Variants in MUCL1 observed in about 807,000 individuals in gnomAD.
The protein encoded by MUCL1 is mucin-like protein 1.
MUCL1 carries 11 observed loss-of-function variants against 9.2 expected under a neutral mutation model. The ratio of observed to expected loss-of-function variants is 1.19; its 90% CI spans 0.75 to 1.97. The LOEUF is 1.97. MUCL1 is among the 30% of genes most tolerant of loss of function. MUCL1 has a pLI of 0.00. For synonymous variants in MUCL1, 48 were observed against 40.5 expected (o/e 1.19, Z -0.71); for missense variants, 144 against 110.9 (o/e 1.30, Z -1.34).
upstream of MUCL1, among the ~76,000 whole-genome samples, chr12:54,839,105 T>C (rs1444112631): frequency 6.6e-6 from 1 of 152,198 alleles, no homozygotes; most frequent in African/African-American, 2.4e-5. Flanking sequence ...TTTTCTTAAA[T>C]TTTTTTCTCA....
At chr12:54,857,929 T>A (rs975386417) in intron 3 of MUCL1, among the ~76,000 whole-genome samples, 1 of 152,170 alleles carries the variant, frequency 6.6e-6, no homozygotes. Flanking sequence ...TGCCATATTA[T>A]AGGAAAACTC....
upstream of MUCL1, among the ~76,000 whole-genome samples, chr12:54,836,307 C>T (rs1210057268): frequency 6.6e-6 from 1 of 152,110 alleles, no homozygotes; most frequent in Non-Finnish European, 1.5e-5. Flanking sequence ...TCTATTTCTT[C>T]CTGATTCAAA....
intron 1 of MUCL1, among the ~76,000 whole-genome samples, chr12:54,842,465 T>C (rs1169411749): frequency 6.6e-6 from 1 of 152,164 alleles, no homozygotes; most frequent in East Asian, 1.9e-4. Context: ...TCAAGTTAAT[T>C]AGCATATGCA....
chr12:54,848,709 A>G (rs1237485182), intron 1 of MUCL1, among the ~76,000 whole-genome samples: 1 of 152,332 alleles, frequency 6.6e-6, no homozygotes, highest in South Asian at 2.1e-4. Flanking sequence ...ATGCAAGTTA[A>G]CATAACAAAT....
intron 1 of MUCL1, among the ~76,000 whole-genome samples, chr12:54,844,729 T>C (rs1959234032): frequency 6.6e-6 from 1 of 152,230 alleles, no homozygotes; most frequent in African/African-American, 2.4e-5. Context: ...TTGTCAGGTG[T>C]TGGACTATTT....
intron 1 of MUCL1, among the ~76,000 whole-genome samples, chr12:54,848,416 C>A (rs1268411888): frequency 1.3e-5 from 2 of 152,066 alleles, no homozygotes; most frequent in Non-Finnish European, 2.9e-5. Flanking sequence ...TAAGATGACC[C>A]AGCTGTGTGT....
intron 2 of MUCL1, among the ~76,000 whole-genome samples, 171 bp from the exon 3 acceptor site, chr12:54,856,599 G>A (rs1191515634): frequency 6.6e-6 from 1 of 152,212 alleles, no homozygotes; most frequent in Non-Finnish European, 1.5e-5. Flanking sequence ...AGACAAGACA[G>A]GGAAGGATGA....
At chr12:54,833,994 C>T (rs886411870) in intron 1 of MUCL1, among the ~76,000 whole-genome samples, 4 of 152,154 alleles carry the variant, frequency 2.6e-5, no homozygotes, top group African/African-American at 9.6e-5. Context: ...ACTTAACAGT[C>T]GTTTGTTAAT....
chr12:54,831,942 A>G (rs1288489687), intron 1 of MUCL1, among the ~76,000 whole-genome samples: 2 of 152,128 alleles, frequency 1.3e-5, no homozygotes, highest in East Asian at 1.9e-4. Context: ...ATTACAATTA[A>G]TATGTGAAAA....
At chr12:54,856,983 C>G in intron 3 of MUCL1, 91 bp downstream of exon 3, 1 of 1,553,630 alleles carries the variant, frequency 6.4e-7, no homozygotes, top group Non-Finnish European at 8.7e-7. Flanking sequence ...TTTTTGAGGT[C>G]AGGGAGACCT....
upstream of MUCL1, among the ~76,000 whole-genome samples, chr12:54,835,610 T>G (rs1272828657): frequency 1.3e-5 from 2 of 149,448 alleles, no homozygotes; most frequent in Non-Finnish European, 2.9e-5. Context: ...GGGATTGTTT[T>G]TTTTTTTTTT....
chr12:54,856,205 C>T (rs994062169), intron 2 of MUCL1, among the ~76,000 whole-genome samples: 4 of 152,136 alleles, frequency 2.6e-5, no homozygotes, highest in Non-Finnish European at 5.9e-5. Context: ...GTCCAAGCTG[C>T]CACAGAGGGT....
chr12:54,854,838 T>C (rs10876637), intron 1 of MUCL1, among the ~76,000 whole-genome samples, 198 bp downstream of exon 1: 56,945 of 152,096 alleles, frequency 0.37, 12,705 homozygotes, highest in East Asian at 0.84. Context: ...CTTACTTCAA[T>C]AATACCTTGG....
At chr12:54,854,407 G>C, upstream of MUCL1, 1 of 566,452 alleles carries the variant, frequency 1.8e-6, no homozygotes, top group African/African-American at 1.9e-5. Flanking sequence ...TGATTCTCCA[G>C]TGGTTTGTGT....
chr12:54,849,718 T>C (rs763924295), upstream of MUCL1, among the ~76,000 whole-genome samples: 1 of 152,184 alleles, frequency 6.6e-6, no homozygotes, highest in East Asian at 1.9e-4. Context: ...TATATAATGC[T>C]GTTCATTTTA....
intron 1 of MUCL1, among the ~76,000 whole-genome samples, chr12:54,846,425 C>T (rs1959258175): frequency 6.6e-6 from 1 of 152,186 alleles, no homozygotes; most frequent in African/African-American, 2.4e-5. Flanking sequence ...GATCAGGGAA[C>T]CCTCCCATTT....
chr12:54,844,867 GA>G (rs1243912022), intron 1 of MUCL1, among the ~76,000 whole-genome samples: 1 of 152,046 alleles, frequency 6.6e-6, no homozygotes, highest in Non-Finnish European at 1.5e-5. Context: ...TATTTCTGCA[GA>G]AAAAAACCAC....
Position 54,854,612 on chromosome 12 carries a change from G to A in MUCL1, c.30G>A (p.Leu10=), listed in dbSNP as rs749081743. The change falls in exon 1 of 4, where the codon TTG becomes TTA. Residue 10 remains leucine (L), a synonymous_variant. Coordinates refer to ENST00000308796, the MANE Select transcript of MUCL1 (RefSeq NM_058173.3). The part of the protein sequence containing the change: MKFLAVLVL[L]GVSIFLVSAQ... ...AGTTCTTAGCAGTCCTGGTACTCTT[G>A]GGAGTTTCCATCTTTCTGGTCTCTG... 6 of 1,613,438 alleles carry A rather than the reference G, an allele frequency of 3.7e-6. No homozygotes were observed. The South Asian group carries it at 5.5e-5, about 15-fold the overall frequency.
At chr12:54,856,748 G>T (rs982740293) in intron 2 of MUCL1, 22 bp from the exon 3 acceptor site, 2 of 1,592,432 alleles carry the variant, frequency 1.3e-6, no homozygotes, top group African/African-American at 1.3e-5. Context: ...GTCTCACCTA[G>T]AGCTTTTCCT....
Sources: gnomAD v4.1 joint callset for allele counts (sites outside exome capture counted in the v4.1 genomes callset) on GRCh38, gnomAD v4.1.1 for gene constraint, MANE v1.5 for transcripts, NCBI Gene and HGNC (gene_info 2026-07-23, HGNC 2026-07-21) for gene names.